LRRC3B: variants seen among roughly 807,000 people sequenced by gnomAD.
The protein encoded by LRRC3B is leucine-rich repeat-containing protein 3B.
A neutral mutation model predicts 12.8 loss-of-function variants in LRRC3B; 2 were observed. The ratio of observed to expected loss-of-function variants is 0.16; its 90% CI spans 0.06 to 0.49. The LOEUF is 0.49. LRRC3B is among the 20% of genes least tolerant of loss of function. The probability of loss-of-function intolerance (pLI) is 0.96; values close to 1 mark genes in which losing one functional copy is unlikely to be tolerated. For synonymous variants in LRRC3B, 132 were observed against 122.0 expected, an observed-to-expected ratio of 1.08 and a Z score of -0.54; for missense variants, 189 against 319.4, an observed-to-expected ratio of 0.59 and a Z score of 3.11.
intron 1 of LRRC3B, among the ~76,000 whole-genome samples, chr3:26,698,838 A>C (rs774077716): frequency 5.9e-5 from 9 of 152,172 alleles, no homozygotes; most frequent in Non-Finnish European, 1.3e-4. Context: ...TCATATCAGC[A>C]TAAATTTTAA....
chr3:26,667,690 TC>T (rs1365727579), intron 1 of LRRC3B, among the ~76,000 whole-genome samples: 10 of 152,312 alleles, frequency 6.6e-5, no homozygotes, highest in African/African-American at 2.4e-4. Flanking sequence ...TATAATATTT[TC>T]TTTTTATATC....
intron 1 of LRRC3B, among the ~76,000 whole-genome samples, chr3:26,679,328 CT>C (rs1190528804): frequency 6.6e-6 from 1 of 152,182 alleles, no homozygotes; most frequent in Non-Finnish European, 1.5e-5. Context: ...AAATCCAAAC[CT>C]TCTGGCATAG....
chr3:26,653,364 C>A (rs557676599), intron 1 of LRRC3B, among the ~76,000 whole-genome samples: 5 of 151,952 alleles, frequency 3.3e-5, no homozygotes, highest in African/African-American at 1.2e-4. Context: ...TTTTTACAGA[C>A]AGGAACAAAG....
exon 2 of LRRC3B, chr3:26,710,507 A>G: frequency 1.3e-6 from 2 of 1,487,974 alleles, no homozygotes; most frequent in Non-Finnish European, 1.8e-6. Flanking sequence ...ATTGCAGTAG[A>G]AATAAGTGGT....
intron 1 of LRRC3B, among the ~76,000 whole-genome samples, chr3:26,671,538 C>T (rs966571524): frequency 4.0e-5 from 6 of 150,636 alleles, no homozygotes; most frequent in Admixed American, 6.6e-5. Flanking sequence ...ACTACAGGCG[C>T]GCGCCACCAA....
chr3:26,655,128 T>C (rs1331504242), intron 1 of LRRC3B, among the ~76,000 whole-genome samples: 1 of 152,190 alleles, frequency 6.6e-6, no homozygotes, highest in Admixed American at 6.5e-5. Context: ...GTGCCACTTT[T>C]CATAAGTTGA....
intron 1 of LRRC3B, among the ~76,000 whole-genome samples, chr3:26,657,909 T>C (rs1699409803): frequency 6.6e-6 from 1 of 152,186 alleles, no homozygotes; most frequent in South Asian, 2.1e-4. Context: ...TTTCAAACTT[T>C]GATAAGTAAA....
intron 1 of LRRC3B, among the ~76,000 whole-genome samples, chr3:26,685,658 T>A (rs4544574): frequency 5.4e-3 from 4 of 740 alleles, no homozygotes; most frequent in Non-Finnish European, 9.2e-3. Flanking sequence ...TTTTAAAAAC[T>A]ACTATTACTA....
intron 1 of LRRC3B, among the ~76,000 whole-genome samples, chr3:26,658,724 T>C (rs538369823): frequency 1.3e-5 from 2 of 152,358 alleles, no homozygotes; most frequent in African/African-American, 4.8e-5. Flanking sequence ...CTGTTCTGTG[T>C]TTTTCAATCT....
intron 1 of LRRC3B, among the ~76,000 whole-genome samples, chr3:26,663,670 C>T (rs761720725): frequency 5.9e-5 from 9 of 152,082 alleles, no homozygotes; most frequent in Non-Finnish European, 1.3e-4. Flanking sequence ...CTCAGTGTGG[C>T]TGTTTTAGTC....
At chr3:26,627,611 G>A (rs1390650326) in intron 1 of LRRC3B, among the ~76,000 whole-genome samples, 1 of 152,062 alleles carries the variant, frequency 6.6e-6, no homozygotes, top group Non-Finnish European at 1.5e-5. Flanking sequence ...CGTGCACTAA[G>A]AGCTGCTCCT....
At chr3:26,706,567 GT>G (rs1700593776) in intron 1 of LRRC3B, among the ~76,000 whole-genome samples, 1 of 152,184 alleles carries the variant, frequency 6.6e-6, no homozygotes, top group Admixed American at 6.5e-5. Context: ...ATTACATCCA[GT>G]TCACAGGTAG....
intron 1 of LRRC3B, among the ~76,000 whole-genome samples, chr3:26,659,404 C>T (rs1478245575): frequency 6.6e-6 from 1 of 152,156 alleles, no homozygotes; most frequent in Non-Finnish European, 1.5e-5. Context: ...CCAGTTCCAC[C>T]ATCTGCAAGG....
intron 1 of LRRC3B, among the ~76,000 whole-genome samples, chr3:26,641,517 G>A (rs1053608200): frequency 6.6e-6 from 1 of 152,156 alleles, no homozygotes; most frequent in African/African-American, 2.4e-5. Flanking sequence ...GGAAATCTGG[G>A]AAACATGTTC....
chr3:26,682,581 A>G (rs1699993300), intron 1 of LRRC3B, among the ~76,000 whole-genome samples: 1 of 152,132 alleles, frequency 6.6e-6, no homozygotes, highest in East Asian at 1.9e-4. Flanking sequence ...AGGTCCTGTC[A>G]TTGAGATGGG....
intron 1 of LRRC3B, among the ~76,000 whole-genome samples, chr3:26,643,249 TGTGTG>T (rs1559352726): frequency 4.7e-5 from 5 of 106,008 alleles, no homozygotes; most frequent in East Asian, 9.3e-4. Flanking sequence ...TACACACATA[TGTGTG>T]AGTGTGTGTG....
chr3:26,688,188 C>T (rs1422298296), intron 1 of LRRC3B, among the ~76,000 whole-genome samples: 1 of 152,196 alleles, frequency 6.6e-6, no homozygotes, highest in Non-Finnish European at 1.5e-5. Context: ...AATTAAAATA[C>T]ATCCACAGCT....
intron 1 of LRRC3B, among the ~76,000 whole-genome samples, chr3:26,688,194 C>A (rs942675932): frequency 6.6e-6 from 1 of 152,226 alleles, no homozygotes; most frequent in Non-Finnish European, 1.5e-5. Context: ...AATACATCCA[C>A]AGCTCTTTCT....
chr3:26,664,966 A>AATT (rs1699569264), intron 1 of LRRC3B, among the ~76,000 whole-genome samples: 1 of 151,098 alleles, frequency 6.6e-6, no homozygotes, highest in Non-Finnish European at 1.5e-5. Flanking sequence ...AGGGTACAAG[A>AATT]ATTTACATTT....
Sources: allele counts gnomAD v4.1 joint callset (sites outside exome capture counted in the v4.1 genomes callset), GRCh38; gene constraint gnomAD v4.1.1; transcripts MANE v1.5; gene names NCBI Gene and HGNC (gene_info 2026-07-23, HGNC 2026-07-21).